Variants in HOXB2 observed in about 807,000 individuals in gnomAD.
HOXB2 encodes the protein homeobox B2, also known as homeobox protein Hox-B2.
In HOXB2, 14 loss-of-function variants were observed where a neutral mutation model predicts 13.1. The ratio of observed to expected loss-of-function variants is 1.07; its 90% confidence interval spans 0.71 to 1.67. The LOEUF is 1.67. Among genes scored for constraint, HOXB2 ranks in the 40% most tolerant of loss-of-function variants. The pLI is 0.00. For missense variants in HOXB2, 582 were observed against 488.3 expected, an observed-to-expected ratio of 1.19 and a Z score of -1.81; for synonymous variants, 261 against 233.1, an observed-to-expected ratio of 1.12 and a Z score of -1.09.
chr17:48,542,876 G>A lies in HOXB2; in HGVS notation c.*192C>T. 1 of 429,542 alleles carries A rather than the reference G, an allele frequency of 2.3e-6. No individual in the cohort carries two copies. The allele number at this position is 429,542 out of a possible 1,614,324, so 26.6% of individuals were successfully genotyped here. A position where few individuals can be genotyped will look rare whatever the true frequency, so the allele number is the denominator to read the frequency against. ...TCTACCAAACGGAATTTTTCTGTGTGAATTTTAAAAGATAACCGAGTGCCC... is the reference window on the plus strand; with the variant it reads ...TCTACCAAACGGAATTTTTCTGTGTAAATTTTAAAAGATAACCGAGTGCCC... On this transcript the variant is annotated 3_prime_UTR_variant, in exon 2 of 2. Coordinates refer to ENST00000330070, the MANE Select transcript of HOXB2 (RefSeq NM_002145.4).
chr17:48,543,682 T>C lies in HOXB2; in HGVS notation c.457A>G (p.Thr153Ala), dbSNP rs2068530328. ...TCCTTCTCCAGTTCCAGCAGCTGCG[T>C]GTTGGTGTAAGCCGTGCGCAGCCTG... ...ARRLRTAYTNTQLLELEKEFH... is the reference protein window; with the variant it reads ...ARRLRTAYTNAQLLELEKEFH... Residue 153 changes from threonine (T) to alanine (A), a missense_variant, in exon 2 of 2, where the codon ACG (threonine) becomes GCG (alanine). Thr to Ala is a moderately conservative substitution (Grantham distance 58). Transcript: ENST00000330070. 1 of 1,613,284 alleles carries C rather than the reference T, an allele frequency of 6.2e-7. No individual in the cohort carries two copies. Among genetic ancestry groups the C allele is most frequent in the Non-Finnish European group, 8.5e-7 (1 of 1,179,940 alleles).
At position 48,544,476 on chromosome 17, in the gene HOXB2, C is replaced by T. The variant is rs1038768565; in HGVS notation, c.391+45G>A. ...ACCTCCTTCCACTGCTTTTTCTCCC[C>T]CTCTTCTAGCTGCCCCTCACCCCAC... On this transcript the variant is annotated intron_variant, in intron 1 of 1. Transcript: ENST00000330070. 3.2e-6 allele frequency: 5 copies of T among 1,540,312 alleles called. No individual in the cohort carries two copies. The African/African-American group carries it at 4.1e-5, about 13-fold the overall frequency.
chr17:48,544,392 C>T, intron 1 of HOXB2, 129 bp downstream of exon 1: 1 of 1,442,678 alleles, frequency 6.9e-7, no homozygotes, highest in Non-Finnish European at 9.0e-7. Flanking sequence ...ATTCTACTTC[C>T]CCATCCCAGG....
Position 48,543,759 on chromosome 17 carries a change from A to T in HOXB2, c.392-12T>A. ...CAGTCCCAGGCCATCTGCAGGGAAA[A>T]CAGGCTCGGCGTCATAGCGGGCCGT... is the stretch of plus-strand genomic sequence containing the variant. On this transcript the variant is annotated splice_polypyrimidine_tract_variant and intron_variant, in intron 1 of 1. Coordinates refer to ENST00000330070, the MANE Select transcript of HOXB2 (RefSeq NM_002145.4). 3.2e-6 allele frequency: 5 copies of T among 1,581,114 alleles called. No homozygotes were observed. Among genetic ancestry groups the T allele is most frequent in the Non-Finnish European group, 3.4e-6 (4 of 1,164,952 alleles).
At chr17:48,544,080 A>G (rs2068539612) in intron 1 of HOXB2, 1 of 985,118 alleles carries the variant, frequency 1.0e-6, no homozygotes, top group Non-Finnish European at 1.2e-6. Context: ...ACTCAACCGG[A>G]GCGAGGGTCA....
intron 1 of HOXB2, 105 bp from the exon 2 acceptor site, chr17:48,543,852 GCCACCCCACC>G: frequency 7.6e-7 from 1 of 1,314,124 alleles, no homozygotes; most frequent in Non-Finnish European, 1.0e-6. Context: ...CCCCTTCCTC[GCCACCCCACC>G]CCCGCCCCCA....
Position 48,544,646 on chromosome 17 carries a change from G to A in HOXB2, c.266C>T (p.Ala89Val), listed in dbSNP as rs771203953. 5 of 1,612,002 alleles carry A rather than the reference G, an allele frequency of 3.1e-6. No homozygotes were observed. The highest frequency in any genetic ancestry group is 2.7e-5 in the African/African-American group (2 of 74,892). Residue 89 changes from alanine to valine, a missense_variant, in exon 1 of 2, where the codon GCC (alanine) becomes GTC (valine). By Grantham distance (64) the Ala-to-Val change is moderately conservative. Transcript: ENST00000330070. ...PPPPPPPLPA[A>V]PPAPEFPWMK... Reference sequence around the variant, plus strand: ...CCAAGGGAACTCGGGGGCCGGGGGGGCAGCGGGGAGTGGCGGCGGCGGTGG... The same window carrying A: ...CCAAGGGAACTCGGGGGCCGGGGGGACAGCGGGGAGTGGCGGCGGCGGTGG...
At chr17:48,544,198 G>C in intron 1 of HOXB2, 7 of 985,304 alleles carry the variant, frequency 7.1e-6, no homozygotes, top group Non-Finnish European at 8.4e-6. Flanking sequence ...GTCTATCCCA[G>C]CAACAACATA....
Position 48,542,935 on chromosome 17 carries a change from A to T in HOXB2, c.*133T>A. 2 of 574,588 alleles carry T rather than the reference A, an allele frequency of 3.5e-6. No homozygotes were observed. Among genetic ancestry groups the T allele is most frequent in the Non-Finnish European group, 5.8e-6 (2 of 342,554 alleles). The allele number at this position is 574,588 out of a possible 1,614,324, so 35.6% of individuals were successfully genotyped here. On this transcript the variant is annotated 3_prime_UTR_variant, in exon 2 of 2. Coordinates refer to ENST00000330070, the MANE Select transcript of HOXB2 (RefSeq NM_002145.4). ...AGAAGAAGAAGAAAGGGAGTGGATTAAACGCTAATTCAGTAATACCTGAAT... is the reference window on the plus strand; with the variant it reads ...AGAAGAAGAAGAAAGGGAGTGGATTTAACGCTAATTCAGTAATACCTGAAT...
At chr17:48,543,852 GCCACCCCACCC>G in intron 1 of HOXB2, 105 bp from the exon 2 acceptor site, 1 of 1,314,126 alleles carries the variant, frequency 7.6e-7, no homozygotes, top group Non-Finnish European at 1.0e-6. Context: ...CCCCTTCCTC[GCCACCCCACCC>G]CCGCCCCCAC....
chr17:48,543,286 G>T lies in HOXB2; in HGVS notation c.853C>A (p.Leu285Met), dbSNP rs549710950. Reference sequence around the variant, plus strand: ...TCTTCTGGCAATGGCCCGGGCTCCAGCCCGCCGGCCCCGCGCAGCGCGCAG... The same window carrying T: ...TCTTCTGGCAATGGCCCGGGCTCCATCCCGCCGGCCCCGCGCAGCGCGCAG... ...PGCALRGAGGLEPGPLPEDVF... is the reference protein window; with the variant it reads ...PGCALRGAGGMEPGPLPEDVF... Residue 285 changes from leucine (L) to methionine (M), a missense_variant, in exon 2 of 2, where the codon CTG becomes ATG. Transcript: ENST00000330070. 6 of 1,601,580 alleles carry T rather than the reference G, an allele frequency of 3.7e-6. No individual in the cohort carries two copies. The highest frequency in any genetic ancestry group is 2.2e-5 in the East Asian group (1 of 44,768).
Position 48,544,862 on chromosome 17 carries a change from G to T in HOXB2, c.50C>A (p.Ser17Ter). 2 of 1,610,716 alleles carry T rather than the reference G, an allele frequency of 1.2e-6. No individual in the cohort carries two copies. The highest frequency in any genetic ancestry group is 8.5e-7 in the Non-Finnish European group (1 of 1,178,712). Residue 17 changes from serine (S) to a stop codon, truncating the protein, a stop_gained, in exon 1 of 2, where the codon TCG (serine) becomes TAG (stop). Coordinates refer to ENST00000330070, the MANE Select transcript of HOXB2 (RefSeq NM_002145.4). LOFTEE classifies it high-confidence loss of function. ...REIGFINSQP[S>*]LAECLTSFPA... is the part of the protein sequence containing the mutation. ...GAAGGAAGTCAGACACTCGGCGAGC[G>T]ACGGCTGGCTGTTTATAAACCCAAT...
At position 48,543,394 on chromosome 17, in the gene HOXB2, G is replaced by A; in HGVS notation, c.745C>T (p.Pro249Ser). 2 of 1,583,446 alleles carry A rather than the reference G, an allele frequency of 1.3e-6. No individual in the cohort carries two copies. The highest frequency in any genetic ancestry group is 1.7e-6 in the Non-Finnish European group (2 of 1,168,392). Residue 249 changes from proline to serine, a missense_variant, in exon 2 of 2, where the codon CCG becomes TCG. Pro to Ser is a moderately conservative substitution (Grantham distance 74). Coordinates refer to ENST00000330070, the MANE Select transcript of HOXB2 (RefSeq NM_002145.4). ...CTTAAGGCCCCCGGCACCACCTCCG[G>A]CGGGTGACAGCAGGCTTCCCACGCC... Reference protein sequence around the residue: ...RAAWEACCHPPEVVPGALSAD... With the variant: ...RAAWEACCHPSEVVPGALSAD...
rs902720290 is a variant in HOXB2 at position 48,542,974 on chromosome 17, A to C, written c.*94T>G. On this transcript the variant is annotated 3_prime_UTR_variant, in exon 2 of 2. Transcript: ENST00000330070. ...TAATACCTGAATTTTAGCAAAACACATAAGTCTATGCGACTGAGGGTGGGA... is the reference window on the plus strand; with the variant it reads ...TAATACCTGAATTTTAGCAAAACACCTAAGTCTATGCGACTGAGGGTGGGA... The C allele has an allele frequency of 2.1e-6, 2 of 966,094 alleles. No homozygotes were observed. Among genetic ancestry groups the C allele is most frequent in the Admixed American group, 2.7e-5 (1 of 37,450 alleles). 59.8% of individuals were successfully genotyped at this position (966,094 alleles called of 1,614,324 possible).
chr17:48,543,486 A>G lies in HOXB2; in HGVS notation c.653T>C (p.Leu218Pro). 6.2e-7 allele frequency: 1 copy of G among 1,610,778 alleles called. No homozygotes were observed. Among genetic ancestry groups the G allele is most frequent in the Non-Finnish European group, 8.5e-7 (1 of 1,179,670 alleles). ...PDGEPACPGA[L>P]EDICDPAEEP... ...CTCGGCAGGGTCGCAGATGTCCTCC[A>G]GGGCTCCCGGGCAGGCAGGCTCCCC... is the stretch of plus-strand genomic sequence containing the variant. The change falls in exon 2 of 2, where the codon CTG becomes CCG. Residue 218 changes from leucine (L) to proline (P), a missense_variant. Transcript: ENST00000330070.
At chr17:48,544,405 T>C in intron 1 of HOXB2, 116 bp downstream of exon 1, 1 of 1,444,356 alleles carries the variant, frequency 6.9e-7, no homozygotes, top group Non-Finnish European at 9.0e-7. Flanking sequence ...ATCCCAGGAA[T>C]GGAGGGGGTA....
rs375312581 is a variant in HOXB2, at chr17:48,543,526, G to C, written c.613C>G (p.Arg205Gly). The C allele has an allele frequency of 7.4e-6, 12 of 1,612,796 alleles. No homozygotes were observed. Among genetic ancestry groups the C allele is most frequent in the Non-Finnish European group, 1.0e-5 (12 of 1,179,954 alleles). ...RMKHKRQTQH[R>G]EPPDGEPACP... is the part of the protein sequence containing the mutation. The stretch of plus-strand genomic sequence containing the variant: ...GCAGGCTCCCCATCCGGCGGCTCTC[G>C]GTGCTGCGTCTGCCGCTTGTGCTTC... The change falls in exon 2 of 2, where the codon CGA (arginine) becomes GGA (glycine). Residue 205 changes from arginine to glycine, a missense_variant. Coordinates refer to ENST00000330070, the MANE Select transcript of HOXB2 (RefSeq NM_002145.4).
rs1200333832 is a variant in HOXB2 at position 48,544,216 on chromosome 17, C to T, written c.391+305G>A. 10 of 1,336,136 alleles carry T rather than the reference C, an allele frequency of 7.5e-6. No homozygotes were observed. The East Asian group carries it at 2.4e-4, about 32-fold the overall frequency. The allele number at this position is 1,336,136 out of a possible 1,614,324, so 82.8% of individuals were successfully genotyped here. On this transcript the variant is annotated intron_variant, in intron 1 of 1. Transcript: ENST00000330070. ...TATCCCAGCAACAACATACTCATTC[C>T]CCTACACAGATACGGGTGAAAACCT...
In HOXB2 at chr17:48,544,517, C is replaced by G. The variant is rs748518030; in HGVS notation, c.391+4G>C. On this transcript the variant is annotated splice_donor_region_variant and intron_variant, in intron 1 of 1. Coordinates refer to ENST00000330070, the MANE Select transcript of HOXB2 (RefSeq NM_002145.4). Reference sequence around the variant, plus strand: ...CTCACCCCACCCCCACCACGCTTACCGACCTGCAGGCGATCCGACCCCGGA... The same window carrying G: ...CTCACCCCACCCCCACCACGCTTACGGACCTGCAGGCGATCCGACCCCGGA... 1 of 1,599,360 alleles carries G rather than the reference C, an allele frequency of 6.3e-7. No homozygotes were observed. Among genetic ancestry groups the G allele is most frequent in the Non-Finnish European group, 8.5e-7 (1 of 1,178,206 alleles).
Sources: allele counts gnomAD v4.1 joint callset, GRCh38; gene constraint gnomAD v4.1.1; transcripts MANE v1.5; gene names NCBI Gene and HGNC (gene_info 2026-07-23, HGNC 2026-07-21).